HUNK: variants seen among roughly 807,000 people sequenced by gnomAD.
The protein encoded by HUNK is hormonally up-regulated neu tumor-associated kinase.
Under a neutral mutation model 61.0 loss-of-function variants are expected in HUNK, and 21 were observed. That is an observed-to-expected ratio of 0.34 (90% confidence interval 0.24 to 0.50). The LOEUF is 0.50. HUNK is among the 20% of genes least tolerant of loss of function. The pLI, the probability that HUNK is intolerant of heterozygous loss-of-function variation, is 0.98. For synonymous variants in HUNK, 371 were observed against 386.1 expected, an observed-to-expected ratio of 0.96 and a Z score of 0.46; for missense variants, 772 against 945.7, an observed-to-expected ratio of 0.82 and a Z score of 2.41.
intron 1 of HUNK, among the ~76,000 whole-genome samples, chr21:31,875,142 G>T (rs1246746679): frequency 2.0e-5 from 3 of 152,206 alleles, no homozygotes; most frequent in Admixed American, 6.5e-5. Context: ...CAACCGAGCA[G>T]GTGGCCTGGG....
At chr21:31,956,714 G>A (rs1461095659) in intron 4 of HUNK, among the ~76,000 whole-genome samples, 4 of 151,976 alleles carry the variant, frequency 2.6e-5, no homozygotes, top group Non-Finnish European at 4.4e-5. Flanking sequence ...TTTCTGTTGC[G>A]TGCCATCATT....
intron 1 of HUNK, among the ~76,000 whole-genome samples, chr21:31,905,714 C>T (rs1014583687): frequency 1.3e-5 from 2 of 152,172 alleles, no homozygotes; most frequent in Admixed American, 6.5e-5. Context: ...TTTGTACAGA[C>T]GGACACCATA....
intron 2 of HUNK, among the ~76,000 whole-genome samples, chr21:31,928,795 T>G (rs534686431): frequency 6.6e-6 from 1 of 152,340 alleles, no homozygotes; most frequent in East Asian, 1.9e-4. Flanking sequence ...AGCTGACCAC[T>G]GGTATGTTCT....
At chr21:31,975,166 A>G (rs190506012) in intron 7 of HUNK, among the ~76,000 whole-genome samples, 2 of 151,926 alleles carry the variant, frequency 1.3e-5, no homozygotes, top group East Asian at 1.9e-4. Flanking sequence ...TCTCCAGAAA[A>G]TAAGAACAAA....
intron 7 of HUNK, 25 bp downstream of exon 7, chr21:31,974,742 G>A (rs759245800): frequency 2.8e-5 from 44 of 1,560,892 alleles, no homozygotes; most frequent in East Asian, 2.5e-4. Context: ...AGAGGCGATC[G>A]TCTCTGCTGT....
intron 4 of HUNK, 80 bp downstream of exon 4, chr21:31,946,251 T>C (rs1453510307): frequency 5.6e-6 from 8 of 1,419,946 alleles, no homozygotes; most frequent in Admixed American, 4.0e-5. Flanking sequence ...TGCCTGAGTA[T>C]TGGATGGCAT....
chr21:31,914,091 G>A (rs1053015357), intron 1 of HUNK, among the ~76,000 whole-genome samples: 2 of 152,134 alleles, frequency 1.3e-5, no homozygotes, highest in Admixed American at 1.3e-4. Flanking sequence ...GAAGGCAGGA[G>A]GAGAGTGGAA....
At chr21:31,874,278 G>C (rs1324157516) in intron 1 of HUNK, among the ~76,000 whole-genome samples, 1 of 151,412 alleles carries the variant, frequency 6.6e-6, no homozygotes, top group African/African-American at 2.4e-5. Flanking sequence ...GGCAGGGGCG[G>C]CGGATCCGTG....
chr21:31,905,645 CA>C (rs2052499871), intron 1 of HUNK, among the ~76,000 whole-genome samples: 1 of 152,216 alleles, frequency 6.6e-6, no homozygotes, highest in Non-Finnish European at 1.5e-5. Flanking sequence ...TCATTATTCC[CA>C]GCCAGTGCAG....
chr21:31,880,366 C>T (rs1472537309), intron 1 of HUNK, among the ~76,000 whole-genome samples: 1 of 152,196 alleles, frequency 6.6e-6, no homozygotes, highest in East Asian at 1.9e-4. Flanking sequence ...TTTATTCTGT[C>T]ACAGTTCTGG....
At chr21:31,931,201 G>C (rs80037790) in intron 2 of HUNK, among the ~76,000 whole-genome samples, 2,065 of 152,034 alleles carry the variant, frequency 0.014, 44 homozygotes, top group African/African-American at 0.046. Flanking sequence ...CATCCCTGTA[G>C]GCAAAACTTT....
At chr21:31,879,882 G>A (rs1214079260) in intron 1 of HUNK, among the ~76,000 whole-genome samples, 2 of 152,188 alleles carry the variant, frequency 1.3e-5, no homozygotes, top group African/African-American at 4.8e-5. Context: ...TTGGCTAATT[G>A]AAACCCGTAG....
Position 31,924,722 on chromosome 21 carries a change from T to C in HUNK, c.516T>C (p.Ser172=). 6.2e-7 allele frequency: 1 copy of C among 1,613,302 alleles called. No homozygotes were observed. Among genetic ancestry groups the C allele is most frequent in the Non-Finnish European group, 8.5e-7 (1 of 1,179,868 alleles). Residue 172 remains serine (S), a synonymous_variant, in exon 2 of 11, where the codon TCT becomes TCC. Coordinates refer to ENST00000270112, the MANE Select transcript of HUNK (RefSeq NM_014586.2). The surrounding 1 kb of genome is among the most constrained non-coding windows in gnomAD (Gnocchi z 5.1). The part of the protein sequence containing the change: ...EARRYIRQLI[S]AVEHLHRAGV... The stretch of plus-strand genomic sequence containing the variant: ...GCAGATACATCCGACAGCTCATCTC[T>C]GCCGTAGAGCACCTGCACCGGGCCG...
chr21:31,941,299 TTCTC>T (rs199707842), intron 3 of HUNK, among the ~76,000 whole-genome samples: 4 of 147,936 alleles, frequency 2.7e-5, no homozygotes, highest in African/African-American at 9.9e-5. Context: ...TTCTTTTCTT[TTCTC>T]TCTCTCTTTT....
chr21:31,915,331 C>T (rs1196080400), intron 1 of HUNK, among the ~76,000 whole-genome samples: 2 of 152,088 alleles, frequency 1.3e-5, no homozygotes, highest in Non-Finnish European at 2.9e-5. Flanking sequence ...CATTAAGAAA[C>T]CAAAGTGTTC....
At chr21:31,931,565 G>A (rs1451639649) in intron 2 of HUNK, among the ~76,000 whole-genome samples, 4 of 152,164 alleles carry the variant, frequency 2.6e-5, no homozygotes, top group East Asian at 1.9e-4. Context: ...TGCCCGGGCC[G>A]GGTTGGCGGG....
Position 31,999,112 on chromosome 21 carries a change from G to GC in HUNK, c.2078dup (p.Leu694ThrfsTer12). The GC allele has an allele frequency of 1.2e-6, 2 of 1,614,200 alleles. No individual in the cohort carries two copies. The highest frequency in any genetic ancestry group is 1.7e-6 in the Non-Finnish European group (2 of 1,180,018). On this transcript the variant is annotated frameshift_variant, in exon 11 of 11. Coordinates refer to ENST00000270112, the MANE Select transcript of HUNK (RefSeq NM_014586.2). LOFTEE classifies it high-confidence loss of function. ...CAGATAGGCCCCTGGAGGCCAGCCT[G>GC]CCCCCACTGCAGCCCCTAGCCCCTG...
intron 6 of HUNK, 105 bp from the exon 7 acceptor site, chr21:31,974,450 G>A (rs1194706411): frequency 2.0e-5 from 21 of 1,069,282 alleles, no homozygotes; most frequent in Non-Finnish European, 2.6e-5. Context: ...ACTCAAGTCA[G>A]TGAATGAATG....
chr21:31,976,702 A>G (rs1211984291), intron 7 of HUNK, among the ~76,000 whole-genome samples: 2 of 151,404 alleles, frequency 1.3e-5, no homozygotes, highest in African/African-American at 4.9e-5. Context: ...CCTGACTTCA[A>G]GCGATCCTCC....
Sources: gnomAD v4.1 joint callset for allele counts (sites outside exome capture counted in the v4.1 genomes callset) on GRCh38, gnomAD v4.1.1 for gene constraint, Gnocchi (gnomAD v3.1) non-coding constraint, MANE v1.5 for transcripts, NCBI Gene and HGNC (gene_info 2026-07-23, HGNC 2026-07-21) for gene names.